Variants in RHOF observed in about 807,000 individuals in gnomAD.
RHOF encodes rho-related GTP-binding protein RhoF.
A neutral mutation model predicts 22.2 loss-of-function variants in RHOF; 21 were observed. The observed-to-expected ratio is 0.95, with a 90% CI of 0.67 to 1.36. RHOF has a LOEUF of 1.36. Among genes scored for constraint, RHOF ranks in the 40% most tolerant of loss-of-function variants. The pLI, the probability that RHOF is intolerant of heterozygous loss-of-function variation, is 0.00. For synonymous variants in RHOF, 135 were observed against 131.2 expected (o/e 1.03, Z -0.20); for missense variants, 285 against 293.7 (o/e 0.97, Z 0.22).
intron 2 of RHOF, among the ~76,000 whole-genome samples, chr12:121,788,704 G>A (rs1874680381): frequency 6.6e-6 from 1 of 152,130 alleles, no homozygotes; most frequent in African/African-American, 2.4e-5. Context: ...ATCTGGGAGA[G>A]GGGGTGATAA....
At position 121,779,440 on chromosome 12, in the gene RHOF, A is replaced by G. The variant is rs989532916; in HGVS notation, c.*58T>C. 8 of 1,579,114 alleles carry G rather than the reference A, an allele frequency of 5.1e-6. No homozygotes were observed. The African/African-American group carries it at 5.4e-5, about 11-fold the overall frequency. On this transcript the variant is annotated 3_prime_UTR_variant, in exon 5 of 5. Coordinates refer to ENST00000267205, the MANE Select transcript of RHOF (RefSeq NM_019034.3). ...GGGATGGGGCAGCCTCCCTGGTGCA[A>G]TCGGCACCTGGGCCCCCGGGCCCTG... is the stretch of plus-strand genomic sequence containing the variant.
intron 2 of RHOF, among the ~76,000 whole-genome samples, chr12:121,789,896 C>T (rs927739306): frequency 1.3e-5 from 2 of 152,230 alleles, no homozygotes; most frequent in African/African-American, 4.8e-5. Context: ...AACCCTGGAC[C>T]CCACACCTTG....
Position 121,779,552 on chromosome 12 carries a change from G to T in RHOF, c.582C>A (p.Ser194Arg). The change falls in exon 5 of 5, where the codon AGC becomes AGA. Residue 194 changes from serine to arginine, a missense_variant. Ser to Arg is a moderately radical substitution (Grantham distance 110). Transcript: ENST00000267205. ...VFREAAKVALSALKKAQRQKK... is the reference protein window; with the variant it reads ...VFREAAKVALRALKKAQRQKK... ...TCTGCCGTTGCGCCTTCTTCAGAGC[G>T]CTGAGAGCCACCTTGGCGGCCTCCC... 2 of 1,613,990 alleles carry T rather than the reference G, an allele frequency of 1.2e-6. No individual in the cohort carries two copies. Among genetic ancestry groups the T allele is most frequent in the Non-Finnish European group, 1.7e-6 (2 of 1,180,042 alleles).
At chr12:121,789,196 C>T (rs2137504528) in intron 2 of RHOF, among the ~76,000 whole-genome samples, 1 of 152,254 alleles carries the variant, frequency 6.6e-6, no homozygotes, top group African/African-American at 2.4e-5. Context: ...TGCTATGGCA[C>T]TCCAGCCTGG....
intron 4 of RHOF, 147 bp from the exon 5 acceptor site, chr12:121,779,809 T>A: frequency 1.2e-6 from 1 of 812,798 alleles, no homozygotes; most frequent in African/African-American, 1.7e-5. Context: ...TGGCTGCCCC[T>A]CACAGTGTGT....
intron 2 of RHOF, among the ~76,000 whole-genome samples, chr12:121,789,036 C>G (rs1024883070): frequency 6.6e-6 from 1 of 152,056 alleles, no homozygotes; most frequent in East Asian, 1.9e-4. Context: ...CAGAGGGGGC[C>G]CATCCAGCCT....
chr12:121,784,854 C>T (rs1368618903), intron 2 of RHOF, among the ~76,000 whole-genome samples: 1 of 152,148 alleles, frequency 6.6e-6, no homozygotes, highest in Non-Finnish European at 1.5e-5. Context: ...ACAAATATGG[C>T]CGGAGTGAAC....
rs1874374856 is a variant in RHOF, at chr12:121,779,658, AG to A, written c.475del (p.Leu159Ter). On this transcript the variant is annotated frameshift_variant, in exon 5 of 5. Coordinates refer to ENST00000267205, the MANE Select transcript of RHOF (RefSeq NM_019034.3). LOFTEE classifies it high-confidence loss of function. ...QLEPITYMQGLSACEQIRAAL... is the reference protein window; with the variant it reads ...QLEPITYMQGXSACEQIRAAL... ...AGCTCGGATCTGTTCGCAGGCGCTC[AG>A]GCCCTGGGTGGGGGGAGGAGCCAGC... 6.2e-7 allele frequency: 1 copy of A among 1,613,844 alleles called. No individual in the cohort carries two copies. The highest frequency in any genetic ancestry group is 8.5e-7 in the Non-Finnish European group (1 of 1,179,850).
chr12:121,778,467 A>AAT lies in RHOF; in HGVS notation c.*1030_*1031insAT, dbSNP rs1241853187. 10 of 152,666 alleles carry AAT rather than the reference A, an allele frequency of 6.6e-5. No individual in the cohort carries two copies. The highest frequency in any genetic ancestry group is 2.2e-4 in the African/African-American group (9 of 41,210). The allele number at this position is 152,666 out of a possible 1,614,324, so 9.5% of individuals were successfully genotyped here. ...CTCTGTCCCAAAAAAAAAAAAAAAA[A>AAT]AAAATTCCCAGACCCTCGGCCCCAG... On this transcript the variant is annotated 3_prime_UTR_variant, in exon 5 of 5. Coordinates refer to ENST00000267205, the MANE Select transcript of RHOF (RefSeq NM_019034.3).
At chr12:121,779,876 G>C in intron 4 of RHOF, 1 of 568,538 alleles carries the variant, frequency 1.8e-6, no homozygotes, top group Non-Finnish European at 3.1e-6. Context: ...GCCCTGTCCA[G>C]GCCCCCACCC....
chr12:121,788,376 C>A (rs1874668851), intron 2 of RHOF, among the ~76,000 whole-genome samples: 1 of 152,078 alleles, frequency 6.6e-6, no homozygotes, highest in South Asian at 2.1e-4. Context: ...GAGAGGCAGC[C>A]AGCTCCGACT....
At chr12:121,791,450 G>A (rs1456491728) in intron 2 of RHOF, among the ~76,000 whole-genome samples, 1 of 152,162 alleles carries the variant, frequency 6.6e-6, no homozygotes, top group Non-Finnish European at 1.5e-5. Context: ...CAATAGAGCT[G>A]GGGTCAAAGC....
Position 121,779,681 on chromosome 12 carries a change from C to T in RHOF, c.472-19G>A, listed in dbSNP as rs756150809. 9.9e-6 allele frequency: 16 copies of T among 1,613,010 alleles called. No homozygotes were observed. The highest frequency in any genetic ancestry group is 1.4e-5 in the Non-Finnish European group (16 of 1,179,592). On this transcript the variant is annotated intron_variant, in intron 4 of 4. Coordinates refer to ENST00000267205, the MANE Select transcript of RHOF (RefSeq NM_019034.3). ...TCAGGCCCTGGGTGGGGGGAGGAGC[C>T]AGCATTAGGTGAGGGGCCCCTGGAG...
chr12:121,780,485 C>T, intron 4 of RHOF: 1 of 356,306 alleles, frequency 2.8e-6, no homozygotes. Context: ...GAAGGGGACG[C>T]CTACTTTCAA....
At chr12:121,789,882 C>T (rs981739254) in intron 2 of RHOF, among the ~76,000 whole-genome samples, 2 of 152,246 alleles carry the variant, frequency 1.3e-5, no homozygotes, top group Non-Finnish European at 2.9e-5. Flanking sequence ...TCCTGTGCCC[C>T]TCTAACCCTG....
chr12:121,790,331 G>C (rs1159467675), intron 2 of RHOF, among the ~76,000 whole-genome samples: 1 of 152,234 alleles, frequency 6.6e-6, no homozygotes, highest in Non-Finnish European at 1.5e-5. Context: ...TTGGGTTCTA[G>C]AACTTTCTAC....
intron 2 of RHOF, among the ~76,000 whole-genome samples, chr12:121,784,136 A>G (rs1874547577): frequency 6.6e-6 from 1 of 152,206 alleles, no homozygotes; most frequent in African/African-American, 2.4e-5. Flanking sequence ...AAACATCCAG[A>G]TTAACCATCT....
chr12:121,780,978 C>T lies in RHOF; in HGVS notation c.365G>A (p.Arg122His), dbSNP rs199706285. The T allele has an allele frequency of 3.3e-4, 531 of 1,613,852 alleles. No individual in the cohort carries two copies. Among genetic ancestry groups the T allele is most frequent in the African/African-American group, 5.1e-4 (38 of 75,038 alleles). ...KWFPEVTHFC[R>H]GIPMVLIGCK... is the part of the protein sequence containing the mutation. The stretch of plus-strand genomic sequence containing the variant: ...GCCGATGAGCACCATGGGGATCCCG[C>T]GGCAGAAATGCGTGACCTCAGGGAA... Residue 122 changes from arginine to histidine, a missense_variant, in exon 4 of 5, where the codon CGC becomes CAC. Physicochemically the swap from Arg to His is conservative, Grantham distance 29. Coordinates refer to ENST00000267205, the MANE Select transcript of RHOF (RefSeq NM_019034.3).
In RHOF at chr12:121,778,484, C is replaced by A. The variant is rs1874323315; in HGVS notation, c.*1014G>T. 6.6e-6 allele frequency: 1 copy of A among 152,162 alleles called. No homozygotes were observed. The highest frequency in any genetic ancestry group is 2.4e-5 in the African/African-American group (1 of 41,246). 9.4% of individuals were successfully genotyped at this position (152,162 alleles called of 1,614,324 possible). A position where few individuals can be genotyped will look rare whatever the true frequency, so the allele number is the denominator to read the frequency against. On this transcript the variant is annotated 3_prime_UTR_variant, in exon 5 of 5. Coordinates refer to ENST00000267205, the MANE Select transcript of RHOF (RefSeq NM_019034.3). ...AAAAAAAAAAAAATTCCCAGACCCT[C>A]GGCCCCAGACCTTCCCAAAGGAGGC...
Sources: allele counts gnomAD v4.1 joint callset (sites outside exome capture counted in the v4.1 genomes callset), GRCh38; gene constraint gnomAD v4.1.1; transcripts MANE v1.5; gene names NCBI Gene and HGNC (gene_info 2026-07-23, HGNC 2026-07-21).